Variants in VPS13B observed in about 807,000 individuals in gnomAD.
VPS13B encodes vacuolar protein sorting 13 homolog B, also known as intermembrane lipid transfer protein VPS13B.
Under a neutral mutation model 426.4 loss-of-function variants are expected in VPS13B, and 285 were observed. The observed-to-expected ratio is 0.67, with a 90% CI of 0.61 to 0.74. VPS13B has a LOEUF of 0.74. VPS13B is among the 30% of genes least tolerant of loss of function. The probability of loss-of-function intolerance (pLI) is 0.00; values close to 1 mark genes in which losing one functional copy is unlikely to be tolerated. For synonymous variants in VPS13B, 1,676 were observed against 1,676.4 expected, an observed-to-expected ratio of 1.00 and a Z score of 0.01; for missense variants, 4,537 against 4,782.6, an observed-to-expected ratio of 0.95 and a Z score of 1.51.
intron 17 of VPS13B, among the ~76,000 whole-genome samples, chr8:99,231,544 A>G (rs1296742675): frequency 3.3e-5 from 5 of 152,214 alleles, no homozygotes; most frequent in Non-Finnish European, 5.9e-5. Context: ...AAAGAAGGCC[A>G]TATAGGTTCT....
chr8:99,622,171 T>C (rs1828386193), intron 33 of VPS13B, among the ~76,000 whole-genome samples: 1 of 152,150 alleles, frequency 6.6e-6, no homozygotes, highest in Non-Finnish European at 1.5e-5. Flanking sequence ...GCTGCTAACA[T>C]TGGTATAGCT....
chr8:99,358,065 C>G (rs1217352181), intron 19 of VPS13B, among the ~76,000 whole-genome samples: 1 of 151,784 alleles, frequency 6.6e-6, no homozygotes, highest in Non-Finnish European at 1.5e-5. Context: ...TGCCCAGTGA[C>G]AATTCTCTTT....
At chr8:99,812,890 CAT>C (rs1813796963) in intron 44 of VPS13B, among the ~76,000 whole-genome samples, 1 of 152,042 alleles carries the variant, frequency 6.6e-6, no homozygotes, top group Non-Finnish European at 1.5e-5. Flanking sequence ...TAAGTAAAAT[CAT>C]ATGTGGAAAT....
intron 17 of VPS13B, among the ~76,000 whole-genome samples, chr8:99,271,929 C>T (rs1454745096): frequency 6.6e-6 from 1 of 152,106 alleles, no homozygotes; most frequent in East Asian, 1.9e-4. Flanking sequence ...TAAACAATAT[C>T]ATAAGGGTTG....
intron 30 of VPS13B, among the ~76,000 whole-genome samples, chr8:99,539,312 CA>C (rs752384447): frequency 5.3e-5 from 8 of 151,996 alleles, no homozygotes; most frequent in Non-Finnish European, 8.8e-5. Flanking sequence ...ATGTATAATT[CA>C]AAAACATTAA....
chr8:99,366,844 C>T (rs906902786), intron 19 of VPS13B, among the ~76,000 whole-genome samples: 3 of 152,106 alleles, frequency 2.0e-5, no homozygotes, highest in Non-Finnish European at 4.4e-5. Context: ...CTTATCACTG[C>T]TTGCATAAAC....
intron 19 of VPS13B, among the ~76,000 whole-genome samples, chr8:99,379,177 TCATCCTGAAACCATTCCTC>T (rs1813657478): frequency 6.6e-6 from 1 of 152,186 alleles, no homozygotes; most frequent in Non-Finnish European, 1.5e-5. Context: ...TGGAATGGTT[TCATCCTGAAACCATTCCTC>T]CACCCCCCAA....
chr8:99,450,222 G>A (rs1425652331), intron 23 of VPS13B, among the ~76,000 whole-genome samples: 1 of 152,112 alleles, frequency 6.6e-6, no homozygotes, highest in African/African-American at 2.4e-5. Context: ...GAAAAAGGAT[G>A]GTTCCTGAAT....
intron 19 of VPS13B, among the ~76,000 whole-genome samples, chr8:99,363,399 G>A (rs930577685): frequency 1.3e-5 from 2 of 152,158 alleles, no homozygotes; most frequent in Non-Finnish European, 2.9e-5. Context: ...AACTTGAAAT[G>A]AGGTAATGTT....
At chr8:99,746,858 G>A (rs1271831339) in intron 39 of VPS13B, among the ~76,000 whole-genome samples, 2 of 152,034 alleles carry the variant, frequency 1.3e-5, no homozygotes, top group African/African-American at 4.8e-5. Context: ...TACTTCCCTT[G>A]CCCCAATTCT....
chr8:99,841,077 T>C (rs1033011093), intron 54 of VPS13B, among the ~76,000 whole-genome samples: 27 of 152,278 alleles, frequency 1.8e-4, no homozygotes, highest in Admixed American at 1.2e-3. Context: ...TACTCAGGAG[T>C]AGTGATTTCC....
At chr8:99,482,342 G>T (rs887864510) in intron 25 of VPS13B, among the ~76,000 whole-genome samples, 1 of 151,610 alleles carries the variant, frequency 6.6e-6, no homozygotes, top group African/African-American at 2.4e-5. Flanking sequence ...TTACTATCCT[G>T]ATATGAAAAT....
chr8:99,676,252 C>T (rs1050829385), intron 35 of VPS13B, among the ~76,000 whole-genome samples: 1 of 152,082 alleles, frequency 6.6e-6, no homozygotes, highest in African/African-American at 2.4e-5. Flanking sequence ...CCGTGGCCAC[C>T]AAGGTTGGCA....
intron 23 of VPS13B, among the ~76,000 whole-genome samples, chr8:99,444,728 G>A (rs1817830038): frequency 6.6e-6 from 1 of 151,982 alleles, no homozygotes; most frequent in Non-Finnish European, 1.5e-5. Context: ...GAAGTGCAGT[G>A]GTGCAATCAC....
chr8:99,562,699 G>A (rs567739277), intron 31 of VPS13B, among the ~76,000 whole-genome samples: 1 of 152,076 alleles, frequency 6.6e-6, no homozygotes, highest in South Asian at 2.1e-4. Flanking sequence ...TTTTATAATG[G>A]AATTTTTTTG....
chr8:99,192,751 G>C, intron 16 of VPS13B, 125 bp from the exon 17 acceptor site: 1 of 883,010 alleles, frequency 1.1e-6, no homozygotes, highest in Non-Finnish European at 1.7e-6. Context: ...TTTTGTTTAA[G>C]TAGTATGTTT....
chr8:99,289,602 C>A (rs967321928), intron 19 of VPS13B, among the ~76,000 whole-genome samples: 1 of 151,972 alleles, frequency 6.6e-6, no homozygotes, highest in African/African-American at 2.4e-5. Flanking sequence ...ATGAGAATTT[C>A]TGAAATAATG....
In VPS13B at chr8:99,784,409, A is replaced by G; in HGVS notation, c.7874A>G (p.Asp2625Gly). The G allele has an allele frequency of 6.2e-7, 1 of 1,613,754 alleles. No individual in the cohort carries two copies. ...CTGCGGTTTGGCCAGGTGGATACTG[A>G]TGAAAATATTCTGCTGGCGAGTCTC... ...ETLRFGQVDT[D>G]ENILLASLHS... The change falls in exon 43 of 62, where the codon GAT becomes GGT. Residue 2625 changes from aspartate (D) to glycine (G), a missense_variant. By Grantham distance (94) the Asp-to-Gly change is moderately conservative. Around this residue, in one of 2 missense-constraint regions of VPS13B, gnomAD observed 4,311 missense variants for 4,474.3 expected, o/e 0.96. Transcript: ENST00000357162.
At chr8:99,394,300 T>C (rs1814615159) in intron 21 of VPS13B, among the ~76,000 whole-genome samples, 1 of 152,152 alleles carries the variant, frequency 6.6e-6, no homozygotes, top group Admixed American at 6.6e-5. Flanking sequence ...TATATAGTGG[T>C]TTTGACACAT....
Sources: gnomAD v4.1 joint callset for allele counts (sites outside exome capture counted in the v4.1 genomes callset) on GRCh38, gnomAD v4.1.1 for gene constraint, gnomAD v4.1.1 regional missense constraint, MANE v1.5 for transcripts, NCBI Gene and HGNC (gene_info 2026-07-23, HGNC 2026-07-21) for gene names.